The following TMEFF2 variants were observed in gnomAD, a reference collection of about 807,000 sequenced individuals.
TMEFF2 encodes transmembrane protein with EGF like and two follistatin like domains 2, also known as tomoregulin-2.
A neutral mutation model predicts 53.8 loss-of-function variants in TMEFF2; 28 were observed. That is an observed-to-expected ratio of 0.52 (90% CI 0.39 to 0.71). The LOEUF is 0.71. TMEFF2 is among the 30% of genes least tolerant of loss of function. The pLI is 0.00. For synonymous variants in TMEFF2, 162 were observed against 166.3 expected (o/e 0.97, Z 0.20); for missense variants, 353 against 455.2 (o/e 0.78, Z 2.04).
chr2:192,174,234 T>C (rs1418960092), intron 4 of TMEFF2, among the ~76,000 whole-genome samples: 2 of 151,842 alleles, frequency 1.3e-5, no homozygotes, highest in Admixed American at 1.3e-4. Flanking sequence ...TTGTAGCATC[T>C]ATTTCACATT....
chr2:192,097,050 G>A (rs772853631), intron 4 of TMEFF2, among the ~76,000 whole-genome samples: 2 of 152,182 alleles, frequency 1.3e-5, no homozygotes, highest in Non-Finnish European at 2.9e-5. Context: ...TCAAATTTGT[G>A]TGTATACTGC....
chr2:192,092,344 G>T (rs1574365160), intron 4 of TMEFF2, among the ~76,000 whole-genome samples: 1 of 152,016 alleles, frequency 6.6e-6, no homozygotes, highest in South Asian at 2.1e-4. Flanking sequence ...ATTACCATAT[G>T]AGAATTTACA....
At chr2:192,064,375 A>C (rs1162762767) in intron 4 of TMEFF2, among the ~76,000 whole-genome samples, 2 of 151,772 alleles carry the variant, frequency 1.3e-5, no homozygotes, top group East Asian at 3.9e-4. Flanking sequence ...ATGTCCTTTT[A>C]AAACATTATT....
chr2:192,188,555 TATTC>T (rs1343088036), intron 2 of TMEFF2, among the ~76,000 whole-genome samples: 2 of 152,184 alleles, frequency 1.3e-5, no homozygotes, highest in Non-Finnish European at 2.9e-5. Context: ...ACAAAATAAA[TATTC>T]ATTGTCTTAA....
chr2:192,145,873 A>C (rs1053698062), intron 4 of TMEFF2, among the ~76,000 whole-genome samples: 3 of 152,054 alleles, frequency 2.0e-5, no homozygotes, highest in Non-Finnish European at 4.4e-5. Context: ...ACTTGTTCTT[A>C]CCATGTCAAT....
At position 192,062,169 on chromosome 2, in the gene TMEFF2, C is replaced by A. The variant is rs1379460947; in HGVS notation, c.440-4394G>T. 4.6e-5 allele frequency among the ~76,000 whole-genome samples: 7 copies of A among 152,038 alleles called. No individual in the cohort carries two copies. The East Asian group carries it at 1.4e-3, about 29-fold the overall frequency. ...CTTCCCAGGCATTGCCCTACCACTA[C>A]CCTGTCTATATATGGGCAGATGTCT... On this transcript the variant is annotated intron_variant, in intron 4 of 9. Transcript: ENST00000272771.
intron 3 of TMEFF2, among the ~76,000 whole-genome samples, chr2:192,181,838 A>C (rs902175813): frequency 6.6e-6 from 1 of 151,856 alleles, no homozygotes; most frequent in Non-Finnish European, 1.5e-5. Flanking sequence ...CAGGAAAAAA[A>C]AGAAGGAATA....
rs377379994 is a variant in TMEFF2, at chr2:191,969,888, A to G, written c.746-13510T>C. 1.5e-3 allele frequency among the ~76,000 whole-genome samples: 221 copies of G among 152,370 alleles called. 2 individuals are homozygous for G. Among genetic ancestry groups the G allele is most frequent in the African/African-American group, 5.1e-3 (211 of 41,590 alleles). ...TTGACATGTTAAATGAGCATTCTAA[A>G]TAAAACTGGCAATAAAAAAGTCATG... On this transcript the variant is annotated intron_variant, in intron 7 of 9. Coordinates refer to ENST00000272771, the MANE Select transcript of TMEFF2 (RefSeq NM_016192.4).
intron 7 of TMEFF2, among the ~76,000 whole-genome samples, chr2:191,994,186 T>A (rs181734186): frequency 6.6e-6 from 1 of 152,152 alleles, no homozygotes; most frequent in East Asian, 1.9e-4. Context: ...TATATGTATT[T>A]TCTTTAACAA....
intron 4 of TMEFF2, among the ~76,000 whole-genome samples, chr2:192,174,814 C>A (rs1199368985): frequency 6.6e-6 from 1 of 151,454 alleles, no homozygotes; most frequent in Non-Finnish European, 1.5e-5. Context: ...GTGGGGGGAA[C>A]AAAACATACA....
At chr2:192,057,451 A>T (rs1687938072) in intron 5 of TMEFF2, among the ~76,000 whole-genome samples, 1 of 152,078 alleles carries the variant, frequency 6.6e-6, no homozygotes, top group Admixed American at 6.5e-5. Context: ...GGGGGCTTCA[A>T]TGATATTTTA....
At chr2:192,158,177 C>T (rs988966412) in intron 4 of TMEFF2, among the ~76,000 whole-genome samples, 17 of 151,930 alleles carry the variant, frequency 1.1e-4, no homozygotes, top group Admixed American at 5.3e-4. Context: ...TCTGTACAGC[C>T]GTCTACTGGC....
chr2:192,036,356 A>G (rs1687293429), intron 5 of TMEFF2: 1 of 152,174 alleles, frequency 6.6e-6, no homozygotes, highest in Non-Finnish European at 1.5e-5. Flanking sequence ...CTAGCCAATA[A>G]AACTCTCATG....
chr2:192,176,316 A>C (rs1430589016), intron 4 of TMEFF2, among the ~76,000 whole-genome samples: 1 of 151,328 alleles, frequency 6.6e-6, no homozygotes, highest in Non-Finnish European at 1.5e-5. Flanking sequence ...ATGCCTTTCA[A>C]AACAAACGTT....
At chr2:192,029,701 T>C (rs1033546315) in intron 5 of TMEFF2, among the ~76,000 whole-genome samples, 9 of 152,212 alleles carry the variant, frequency 5.9e-5, no homozygotes, top group Admixed American at 5.9e-4. Flanking sequence ...TCTATACATA[T>C]TGATATTTAT....
intron 5 of TMEFF2, among the ~76,000 whole-genome samples, chr2:192,057,127 T>C (rs1160212297): frequency 6.6e-6 from 1 of 152,176 alleles, no homozygotes; most frequent in East Asian, 1.9e-4. Flanking sequence ...CACTGTAGCC[T>C]TAACCTCCTG....
At chr2:191,960,254 G>C (rs1011471785) in intron 7 of TMEFF2, among the ~76,000 whole-genome samples, 10 of 152,154 alleles carry the variant, frequency 6.6e-5, no homozygotes, top group African/African-American at 9.7e-5. Context: ...CAGGTTATTA[G>C]TTTCTGATGC....
intron 2 of TMEFF2, among the ~76,000 whole-genome samples, chr2:192,186,362 G>A (rs1691312089): frequency 1.3e-5 from 2 of 152,168 alleles, no homozygotes; most frequent in Admixed American, 6.5e-5. Context: ...ATTTTCCAAT[G>A]AGTAGTACGG....
At chr2:192,053,592 T>C (rs1687825438) in intron 5 of TMEFF2, among the ~76,000 whole-genome samples, 1 of 152,218 alleles carries the variant, frequency 6.6e-6, no homozygotes, top group Admixed American at 6.5e-5. Context: ...CATAAAATTA[T>C]AGTTTAGTTA....
Sources: allele counts gnomAD v4.1 joint callset (sites outside exome capture counted in the v4.1 genomes callset), GRCh38; gene constraint gnomAD v4.1.1; transcripts MANE v1.5; gene names NCBI Gene and HGNC (gene_info 2026-07-23, HGNC 2026-07-21).